Variants in CCR3 observed in about 807,000 individuals in gnomAD.
CCR3 encodes the protein C-C chemokine receptor type 3.
For synonymous variants in CCR3, 203 were observed against 179.2 expected, an observed-to-expected ratio of 1.13 and a Z score of -1.06; for missense variants, 419 against 437.5, an observed-to-expected ratio of 0.96 and a Z score of 0.38.
At chr3:46,246,902 G>C (rs1416706761) in intron 1 of CCR3, among the ~76,000 whole-genome samples, 2 of 151,944 alleles carry the variant, frequency 1.3e-5, no homozygotes, top group African/African-American at 2.4e-5. Flanking sequence ...GCTGAAGGGA[G>C]GTCTTGTGGT....
At chr3:46,238,931 G>C (rs547881645), upstream of CCR3, among the ~76,000 whole-genome samples, 178 of 152,312 alleles carry the variant, frequency 1.2e-3, 1 homozygote, top group African/African-American at 4.2e-3. Flanking sequence ...GCGGTTGCCT[G>C]GGACAGGGGA....
At chr3:46,228,372 T>G (rs555707359) in intron 2 of CCR3, among the ~76,000 whole-genome samples, 1 of 152,328 alleles carries the variant, frequency 6.6e-6, no homozygotes, top group African/African-American at 2.4e-5. Context: ...CACCCTTCTG[T>G]GAATGCAGAG....
chr3:46,258,335 C>T (rs1472388389), intron 1 of CCR3, among the ~76,000 whole-genome samples: 5 of 152,194 alleles, frequency 3.3e-5, no homozygotes, highest in East Asian at 1.9e-4. Flanking sequence ...TATGCAACTA[C>T]GGTGTGTACA....
chr3:46,215,346 G>A (rs1210376925), intron 2 of CCR3, among the ~76,000 whole-genome samples: 1 of 152,184 alleles, frequency 6.6e-6, no homozygotes, highest in Non-Finnish European at 1.5e-5. Flanking sequence ...CAGCATCTGT[G>A]TCACCTGGGA....
chr3:46,254,572 G>T (rs1228989964), intron 1 of CCR3, among the ~76,000 whole-genome samples: 1 of 151,982 alleles, frequency 6.6e-6, no homozygotes, highest in Non-Finnish European at 1.5e-5. Flanking sequence ...TGAGATTTTG[G>T]TGCACCCATC....
intron 2 of CCR3, among the ~76,000 whole-genome samples, chr3:46,223,626 G>A (rs1699861364): frequency 6.6e-6 from 1 of 152,138 alleles, no homozygotes; most frequent in Non-Finnish European, 1.5e-5. Flanking sequence ...GTGTGTGTGT[G>A]CATGTATGTA....
In CCR3 at chr3:46,265,302, C is replaced by T. The variant is rs771934257; in HGVS notation, c.144C>T (p.Gly48=). 2.5e-6 allele frequency: 4 copies of T among 1,614,030 alleles called. No individual in the cohort carries two copies. Among genetic ancestry groups the T allele is most frequent in the Non-Finnish European group, 3.4e-6 (4 of 1,180,002 alleles). ...TGTACTCCCTGGTGTTCACTGTGGG[C>T]CTCTTGGGCAATGTGGTGGTGGTGA... is the stretch of plus-strand genomic sequence containing the variant. ...PPLYSLVFTV[G]LLGNVVVVMI... The change falls in exon 2 of 2, where the codon GGC becomes GGT. Residue 48 remains glycine (G), a synonymous_variant. Coordinates refer to ENST00000395940, the MANE Select transcript of CCR3 (RefSeq NM_178329.3).
chr3:46,266,462 C>T lies in CCR3; in HGVS notation c.*236C>T, dbSNP rs1700637106. The T allele has an allele frequency of 1.2e-5, 5 of 420,896 alleles. No individual in the cohort carries two copies. The East Asian group carries it at 1.9e-4, about 16-fold the overall frequency. 26.1% of individuals were successfully genotyped at this position (420,896 alleles called of 1,614,324 possible). On this transcript the variant is annotated 3_prime_UTR_variant, in exon 2 of 2. Transcript: ENST00000395940. Reference sequence around the variant, plus strand: ...ATCAACCCTAAAAAGCAGAGCTTTGCTTCTCTCTCTAAAATGAGTTACCTA... The same window carrying T: ...ATCAACCCTAAAAAGCAGAGCTTTGTTTCTCTCTCTAAAATGAGTTACCTA...
At chr3:46,248,753 G>A (rs190690619) in intron 1 of CCR3, among the ~76,000 whole-genome samples, 2,365 of 152,256 alleles carry the variant, frequency 0.016, 23 homozygotes, top group Middle Eastern at 0.051. Context: ...AGAGAGGCTG[G>A]GATGAAGGGT....
intron 2 of CCR3, among the ~76,000 whole-genome samples, chr3:46,233,027 T>G (rs1237699442): frequency 6.6e-6 from 1 of 152,220 alleles, no homozygotes; most frequent in Non-Finnish European, 1.5e-5. Context: ...GAGACGGGGT[T>G]TCACCATGTT....
At chr3:46,238,923 G>T (rs193205649), upstream of CCR3, among the ~76,000 whole-genome samples, 1 of 152,278 alleles carries the variant, frequency 6.6e-6, no homozygotes, top group East Asian at 1.9e-4. Context: ...GCAGATCAGC[G>T]GTTGCCTGGG....
chr3:46,262,692 T>C (rs1700548519), intron 1 of CCR3, among the ~76,000 whole-genome samples: 1 of 152,174 alleles, frequency 6.6e-6, no homozygotes, highest in Non-Finnish European at 1.5e-5. Context: ...AGTCTGGCTG[T>C]CGCCCAGGCT....
intron 2 of CCR3, among the ~76,000 whole-genome samples, chr3:46,232,033 AT>A (rs1699970594): frequency 6.6e-6 from 1 of 152,144 alleles, no homozygotes; most frequent in East Asian, 1.9e-4. Flanking sequence ...ATTAGGAAGT[AT>A]TTTCCATATC....
chr3:46,251,290 G>A (rs1463553792), intron 1 of CCR3, among the ~76,000 whole-genome samples: 8 of 152,048 alleles, frequency 5.3e-5, no homozygotes, highest in South Asian at 2.1e-4. Context: ...GACCGGCGCC[G>A]GAGTTTTGGG....
intron 2 of CCR3, among the ~76,000 whole-genome samples, chr3:46,228,092 G>GA (rs1269356978): frequency 1.3e-5 from 2 of 151,362 alleles, no homozygotes; most frequent in Admixed American, 6.6e-5. Context: ...AAGCCTTCCT[G>GA]AAAATCCCTG....
intron 1 of CCR3, among the ~76,000 whole-genome samples, chr3:46,242,963 GTA>G (rs71095086): frequency 1.2e-3 from 100 of 86,184 alleles, no homozygotes; most frequent in African/African-American, 3.0e-3. Context: ...ATATATATGT[GTA>G]TATATATATA....
chr3:46,231,137 A>G (rs934224135), intron 2 of CCR3, among the ~76,000 whole-genome samples: 2 of 152,096 alleles, frequency 1.3e-5, no homozygotes, highest in African/African-American at 4.8e-5. Context: ...GTTGGCCAGG[A>G]TAGTCTCGAT....
At chr3:46,214,273 TC>T (rs1186278653) in intron 2 of CCR3, among the ~76,000 whole-genome samples, 1 of 152,076 alleles carries the variant, frequency 6.6e-6, no homozygotes, top group African/African-American at 2.4e-5. Context: ...ACCTCTCACC[TC>T]CCCTGCTACC....
chr3:46,247,412 A>G (rs1170829351), intron 1 of CCR3, among the ~76,000 whole-genome samples: 1 of 152,172 alleles, frequency 6.6e-6, no homozygotes, highest in Non-Finnish European at 1.5e-5. Flanking sequence ...CATTCCGAGG[A>G]CAGGTCTGAC....
Sources: gnomAD v4.1 joint callset for allele counts (sites outside exome capture counted in the v4.1 genomes callset) on GRCh38, gnomAD v4.1.1 for gene constraint, MANE v1.5 for transcripts, NCBI Gene and HGNC (gene_info 2026-07-23, HGNC 2026-07-21) for gene names.